SORCS2: variants seen among roughly 807,000 people sequenced by gnomAD.
SORCS2 encodes the protein VPS10 domain-containing receptor SorCS2.
Under a neutral mutation model 141.6 loss-of-function variants are expected in SORCS2, and 100 were observed. The ratio of observed to expected loss-of-function variants is 0.71; its 90% CI spans 0.60 to 0.83. SORCS2 has a LOEUF of 0.83. Ranked by LOEUF, SORCS2 falls within the 40% of genes least tolerant of loss-of-function variation. The pLI, the probability that SORCS2 is intolerant of heterozygous loss-of-function variation, is 0.00. For missense variants in SORCS2, 1,646 were observed against 1,560.2 expected, an observed-to-expected ratio of 1.05 and a Z score of -0.93; for synonymous variants, 789 against 676.9, an observed-to-expected ratio of 1.17 and a Z score of -2.57.
At chr4:7,299,398 G>A (rs894716220) in intron 1 of SORCS2, among the ~76,000 whole-genome samples, 3 of 152,204 alleles carry the variant, frequency 2.0e-5, no homozygotes, top group Non-Finnish European at 4.4e-5. Context: ...CTGCCCCTCA[G>A]CGGTGCTAAG....
At chr4:7,589,390 G>A (rs1373062386) in intron 3 of SORCS2, among the ~76,000 whole-genome samples, 2 of 23,308 alleles carry the variant, frequency 8.6e-5, no homozygotes, top group East Asian at 1.6e-3. Context: ...GCTGAGACCC[G>A]TTTTTTTTGT....
At chr4:7,542,260 G>A (rs2109589322) in intron 3 of SORCS2, among the ~76,000 whole-genome samples, 1 of 152,320 alleles carries the variant, frequency 6.6e-6, no homozygotes, top group South Asian at 2.1e-4. Context: ...CAGTGCTTTG[G>A]GCTGAATTGT....
At chr4:7,403,265 C>G (rs987409427) in intron 2 of SORCS2, among the ~76,000 whole-genome samples, 1 of 152,126 alleles carries the variant, frequency 6.6e-6, no homozygotes, top group African/African-American at 2.4e-5. Context: ...GGCTGATGGG[C>G]TTGGGTCTGC....
rs1422921313 is a variant in SORCS2 at position 7,387,963 on chromosome 4, CACAGAT to C, written c.481-8321_481-8316del. On this transcript the variant is annotated intron_variant, in intron 1 of 26. Coordinates refer to ENST00000507866, the MANE Select transcript of SORCS2 (RefSeq NM_020777.3). ...ATACACATACACACATGCACACACA[CACAGAT>C]ACACAGAGATACACATGCACACATG... Among the ~76,000 whole-genome samples the C allele has an allele frequency of 7.2e-3, 565 of 78,930 alleles. 5 individuals are homozygous for C. Among genetic ancestry groups the C allele is most frequent in the African/African-American group, 0.029 (514 of 17,908 alleles). 51.8% of individuals were successfully genotyped at this position (78,930 alleles called of 152,430 possible).
chr4:7,476,825 C>A (rs539690723), intron 2 of SORCS2, among the ~76,000 whole-genome samples: 10 of 152,316 alleles, frequency 6.6e-5, no homozygotes, highest in African/African-American at 2.4e-4. Context: ...GACATCCTAT[C>A]CCACCAGCAT....
intron 2 of SORCS2, among the ~76,000 whole-genome samples, chr4:7,428,345 C>T (rs986497068): frequency 1.3e-5 from 2 of 152,182 alleles, no homozygotes; most frequent in Non-Finnish European, 2.9e-5. Flanking sequence ...AGCGTTCATT[C>T]GCTCATCCTG....
intron 1 of SORCS2, among the ~76,000 whole-genome samples, chr4:7,230,765 A>G (rs4689663): frequency 0.82 from 119,931 of 145,448 alleles, 49,614 homozygotes; most frequent in African/African-American, 0.89. Flanking sequence ...GAGCAGTGTG[A>G]TGTGCTCATG....
At chr4:7,369,257 T>C (rs1406641753) in intron 1 of SORCS2, among the ~76,000 whole-genome samples, 5 of 152,114 alleles carry the variant, frequency 3.3e-5, no homozygotes, top group African/African-American at 1.2e-4. Context: ...GTTGCAGTGA[T>C]CCAAGATCAC....
intron 1 of SORCS2, among the ~76,000 whole-genome samples, chr4:7,298,765 C>A (rs188122412): frequency 6.6e-6 from 1 of 152,322 alleles, no homozygotes; most frequent in East Asian, 1.9e-4. Flanking sequence ...CATTTGTGAG[C>A]CTGAGGTCCC....
At chr4:7,435,448 G>T (rs1560283219) in intron 2 of SORCS2, among the ~76,000 whole-genome samples, 1 of 152,252 alleles carries the variant, frequency 6.6e-6, no homozygotes, top group Non-Finnish European at 1.5e-5. Context: ...CTGGGGTTCT[G>T]CCCCTGGCTG....
chr4:7,462,792 C>G (rs1263072204), intron 2 of SORCS2, among the ~76,000 whole-genome samples: 1 of 151,006 alleles, frequency 6.6e-6, no homozygotes, highest in Non-Finnish European at 1.5e-5. Flanking sequence ...GAATGAATAA[C>G]AACAGCATGT....
chr4:7,324,445 T>TCCGGATCCCCC (rs2108951980), intron 1 of SORCS2, among the ~76,000 whole-genome samples: 1 of 152,356 alleles, frequency 6.6e-6, no homozygotes, highest in Non-Finnish European at 1.5e-5. Flanking sequence ...AGGGACCGTC[T>TCCGGATCCCCC]GCCGGCGTCA....
chr4:7,567,612 G>T (rs1463110382), intron 3 of SORCS2, among the ~76,000 whole-genome samples: 1 of 152,156 alleles, frequency 6.6e-6, no homozygotes, highest in East Asian at 1.9e-4. Flanking sequence ...CCTTGTCACT[G>T]GCTGAGGGAT....
chr4:7,510,572 G>T (rs74842100), intron 2 of SORCS2, among the ~76,000 whole-genome samples: 1 of 150,364 alleles, frequency 6.7e-6, no homozygotes, highest in Non-Finnish European at 1.5e-5. Flanking sequence ...CAGGAAATGC[G>T]ACCCCGGGGC....
intron 2 of SORCS2, chr4:7,430,238 C>T (rs1431212497): frequency 2.0e-5 from 3 of 147,416 alleles, no homozygotes; most frequent in Non-Finnish European, 4.5e-5. Flanking sequence ...CCAGGAGAGC[C>T]CTGAGTTTGT....
At chr4:7,589,806 G>C (rs1471375287) in intron 3 of SORCS2, among the ~76,000 whole-genome samples, 2 of 152,210 alleles carry the variant, frequency 1.3e-5, no homozygotes, top group Non-Finnish European at 2.9e-5. Flanking sequence ...GAGGCTCAGA[G>C]AGTTTAAGTA....
intron 1 of SORCS2, among the ~76,000 whole-genome samples, chr4:7,326,155 C>T (rs1719245507): frequency 6.6e-6 from 1 of 152,030 alleles, no homozygotes; most frequent in South Asian, 2.1e-4. Flanking sequence ...GGTTTGACCA[C>T]ATCACAAGAT....
chr4:7,349,338 T>C (rs1379424783), intron 1 of SORCS2, among the ~76,000 whole-genome samples: 1 of 152,098 alleles, frequency 6.6e-6, no homozygotes, highest in Admixed American at 6.5e-5. Context: ...AGCATTCTCA[T>C]TGTAAATATC....
At chr4:7,248,480 AG>A (rs1383519849) in intron 1 of SORCS2, among the ~76,000 whole-genome samples, 3 of 152,178 alleles carry the variant, frequency 2.0e-5, no homozygotes, top group African/African-American at 7.2e-5. Context: ...TTTCCGTGCC[AG>A]TGTCCTGTGA....
Sources: allele counts gnomAD v4.1 joint callset (sites outside exome capture counted in the v4.1 genomes callset), GRCh38; gene constraint gnomAD v4.1.1; transcripts MANE v1.5; gene names NCBI Gene and HGNC (gene_info 2026-07-23, HGNC 2026-07-21).